The following TPD52 variants were observed in gnomAD, a reference collection of about 807,000 sequenced individuals.
TPD52 encodes prostate and colon associated protein.
Under a neutral mutation model 31.3 loss-of-function variants are expected in TPD52, and 17 were observed. That is an observed-to-expected ratio of 0.54 (90% confidence interval 0.37 to 0.82). The LOEUF is 0.82. TPD52 is among the 40% of genes least tolerant of loss of function. The pLI is 0.00. For missense variants in TPD52, 212 were observed against 240.1 expected (o/e 0.88, Z 0.77); for synonymous variants, 83 against 89.6 (o/e 0.93, Z 0.42).
At chr8:80,077,044 A>G (rs1203137914) in intron 1 of TPD52, among the ~76,000 whole-genome samples, 20 of 151,634 alleles carry the variant, frequency 1.3e-4, no homozygotes. Flanking sequence ...TGGGAGGCCG[A>G]GGCAGGCGGA....
At chr8:80,059,127 T>C (rs909554539) in intron 2 of TPD52, among the ~76,000 whole-genome samples, 2 of 151,944 alleles carry the variant, frequency 1.3e-5, no homozygotes, top group African/African-American at 4.8e-5. Context: ...ACCACCACCA[T>C]GAAACTGGAA....
chr8:80,142,934 G>A (rs1252941258), intron 1 of TPD52, among the ~76,000 whole-genome samples: 2 of 152,146 alleles, frequency 1.3e-5, no homozygotes, highest in East Asian at 3.9e-4. Context: ...ACACTCAGGG[G>A]AAGTGAGGTA....
At chr8:80,120,222 G>A (rs1464465340) in intron 1 of TPD52, among the ~76,000 whole-genome samples, 1 of 152,188 alleles carries the variant, frequency 6.6e-6, no homozygotes. Flanking sequence ...GGACGCGGTG[G>A]CTCATGCCTG....
intron 1 of TPD52, among the ~76,000 whole-genome samples, chr8:80,151,788 A>G (rs909671421): frequency 1.3e-5 from 2 of 152,164 alleles, no homozygotes; most frequent in African/African-American, 2.4e-5. Flanking sequence ...TATAGAATGG[A>G]GGCTGCCCAC....
intron 1 of TPD52, among the ~76,000 whole-genome samples, chr8:80,086,975 C>G (rs1815853285): frequency 6.8e-6 from 1 of 146,794 alleles, no homozygotes; most frequent in Non-Finnish European, 1.5e-5. Flanking sequence ...GCAATATATA[C>G]TGAAGTATTT....
At chr8:80,093,780 T>C (rs894065711) in intron 1 of TPD52, among the ~76,000 whole-genome samples, 7 of 152,202 alleles carry the variant, frequency 4.6e-5, no homozygotes, top group Admixed American at 2.6e-4. Context: ...GTGCCAAAAG[T>C]GATAGCTTCA....
intron 1 of TPD52, among the ~76,000 whole-genome samples, chr8:80,085,561 G>A (rs563677637): frequency 6.6e-6 from 1 of 152,122 alleles, no homozygotes; most frequent in African/African-American, 2.4e-5. Context: ...TACAGCAGCT[G>A]GCTGGAAGGG....
At chr8:80,075,227 T>A (rs1251647081) in intron 1 of TPD52, among the ~76,000 whole-genome samples, 1 of 152,122 alleles carries the variant, frequency 6.6e-6, no homozygotes, top group Non-Finnish European at 1.5e-5. Flanking sequence ...TCCGCCTGCC[T>A]CGGCCTCCCA....
In TPD52 at chr8:80,121,363, G is replaced by A. The variant is rs117611968; in HGVS notation, c.19+50062C>T. ...CATGAAAGTGACAAGACCCTTCTCCGTGCAGGATAAGAGGCCACATAATTC... is the reference window on the plus strand; with the variant it reads ...CATGAAAGTGACAAGACCCTTCTCCATGCAGGATAAGAGGCCACATAATTC... On this transcript the variant is annotated intron_variant, in intron 1 of 7. Coordinates refer to ENST00000518937, the MANE Select transcript of TPD52 (RefSeq NM_001025253.3). Among the ~76,000 whole-genome samples, 615 of 152,232 alleles carry A rather than the reference G, an allele frequency of 4.0e-3. 4 individuals are homozygous for A. Among genetic ancestry groups the A allele is most frequent in the Non-Finnish European group, 6.5e-3 (445 of 68,022 alleles).
At chr8:80,050,685 T>C (rs1281534350) in intron 4 of TPD52, among the ~76,000 whole-genome samples, 4 of 152,140 alleles carry the variant, frequency 2.6e-5, no homozygotes, top group Non-Finnish European at 5.9e-5. Flanking sequence ...GCTTAGACAA[T>C]GACAGTCTAA....
intron 1 of TPD52, among the ~76,000 whole-genome samples, chr8:80,113,295 A>G (rs1171133207): frequency 6.6e-6 from 1 of 152,020 alleles, no homozygotes; most frequent in Non-Finnish European, 1.5e-5. Flanking sequence ...AGTGCTGGCA[A>G]TGATGCAGAG....
At chr8:80,042,362 C>T in intron 7 of TPD52, 1 of 985,432 alleles carries the variant, frequency 1.0e-6, no homozygotes, top group South Asian at 4.7e-5. Context: ...AAAAGCAGCA[C>T]AAATTTCTAA....
chr8:80,085,253 T>G (rs1429578702), intron 1 of TPD52, among the ~76,000 whole-genome samples: 1 of 152,162 alleles, frequency 6.6e-6, no homozygotes, highest in Non-Finnish European at 1.5e-5. Context: ...GTGCAGCCAG[T>G]AAAGTGCGTA....
At chr8:80,142,446 G>A (rs1452018681) in intron 1 of TPD52, among the ~76,000 whole-genome samples, 2 of 152,176 alleles carry the variant, frequency 1.3e-5, no homozygotes. Flanking sequence ...TCAGCAAAAA[G>A]GGGAAGACAA....
intron 1 of TPD52, among the ~76,000 whole-genome samples, chr8:80,066,613 C>A (rs573907668): frequency 2.6e-5 from 4 of 152,268 alleles, no homozygotes; most frequent in African/African-American, 7.2e-5. Context: ...TTACTGTTTT[C>A]AAAGCAAAGT....
At chr8:80,168,804 AT>A (rs1811879059) in intron 1 of TPD52, among the ~76,000 whole-genome samples, 2 of 152,178 alleles carry the variant, frequency 1.3e-5, no homozygotes, top group South Asian at 4.1e-4. Flanking sequence ...GAAACAAGAG[AT>A]GGATTTGGAG....
At chr8:80,140,645 C>T (rs1026414258) in intron 1 of TPD52, among the ~76,000 whole-genome samples, 3 of 152,192 alleles carry the variant, frequency 2.0e-5, no homozygotes, top group Admixed American at 1.3e-4. Flanking sequence ...TGGATGCACA[C>T]CACACACAAA....
In TPD52 at chr8:80,164,898, C is replaced by CAAAAAAAA. The variant is rs34027501; in HGVS notation, c.19+6519_19+6526dup. Among the ~76,000 whole-genome samples, 286 of 31,902 alleles carry CAAAAAAAA rather than the reference C, an allele frequency of 9.0e-3. 28 individuals are homozygous for CAAAAAAAA. Among genetic ancestry groups the CAAAAAAAA allele is most frequent in the Non-Finnish European group, 9.7e-3 (171 of 17,580 alleles). The allele number at this position is 31,902 out of a possible 152,430, so 20.9% of individuals were successfully genotyped here. On this transcript the variant is annotated intron_variant, in intron 1 of 7. Transcript: ENST00000518937. ...TGGGTGGCAGAGGGAGACAATGTCTCAAAAAAAAAAAAAAAAAAAAAAAAA... is the reference window on the plus strand; with the variant it reads ...TGGGTGGCAGAGGGAGACAATGTCTCAAAAAAAAAAAAAAAAAAAAAAAAAAAAAAAAA...
intron 1 of TPD52, among the ~76,000 whole-genome samples, chr8:80,144,369 T>C (rs1810047143): frequency 6.6e-6 from 1 of 152,126 alleles, no homozygotes; most frequent in Non-Finnish European, 1.5e-5. Flanking sequence ...TTACATATAT[T>C]AGAATATGGG....
Sources: allele counts gnomAD v4.1 joint callset (sites outside exome capture counted in the v4.1 genomes callset), GRCh38; gene constraint gnomAD v4.1.1; transcripts MANE v1.5; gene names NCBI Gene and HGNC (gene_info 2026-07-23, HGNC 2026-07-21).